Variants in CPNE4 observed in about 807,000 individuals in gnomAD.
The protein encoded by CPNE4 is copine 4, also known as copine-4.
CPNE4 carries 25 observed loss-of-function variants against 67.9 expected under a neutral mutation model. That is an observed-to-expected ratio of 0.37 (90% confidence interval 0.27 to 0.51). The LOEUF (loss-of-function observed/expected upper bound fraction) is 0.51. Among genes scored for constraint, CPNE4 ranks in the 20% least tolerant of loss-of-function variants. The probability of loss-of-function intolerance (pLI) is 0.93; values close to 1 mark genes in which losing one functional copy is unlikely to be tolerated. For synonymous variants in CPNE4, 242 were observed against 244.9 expected, an observed-to-expected ratio of 0.99 and a Z score of 0.11; for missense variants, 464 against 690.8, an observed-to-expected ratio of 0.67 and a Z score of 3.68.
chr3:131,805,859 A>G (rs1411667314), intron 2 of CPNE4, among the ~76,000 whole-genome samples: 1 of 152,236 alleles, frequency 6.6e-6, no homozygotes, highest in African/African-American at 2.4e-5. Flanking sequence ...CAGGAAAAAG[A>G]GAAATAGACT....
At chr3:131,812,293 A>C (rs2084564529) in intron 2 of CPNE4, among the ~76,000 whole-genome samples, 1 of 152,122 alleles carries the variant, frequency 6.6e-6, no homozygotes, top group Admixed American at 6.5e-5. Flanking sequence ...ACAGACATTA[A>C]GGTGAAAGCA....
intron 1 of CPNE4, among the ~76,000 whole-genome samples, chr3:131,955,878 G>A (rs2071953300): frequency 6.6e-6 from 1 of 152,054 alleles, no homozygotes; most frequent in South Asian, 2.1e-4. Flanking sequence ...ACCCCTCGAA[G>A]TGTCAACATT....
intron 12 of CPNE4, among the ~76,000 whole-genome samples, chr3:131,554,072 C>T (rs188153205): frequency 9.9e-5 from 15 of 152,086 alleles, no homozygotes; most frequent in Admixed American, 2.0e-4. Flanking sequence ...TGGTGCATAG[C>T]TCTGTCCTCA....
intron 1 of CPNE4, among the ~76,000 whole-genome samples, chr3:132,026,306 C>T (rs2074115114): frequency 6.6e-6 from 1 of 152,170 alleles, no homozygotes; most frequent in African/African-American, 2.4e-5. Flanking sequence ...CTTGGAAAAG[C>T]TTGCAACATG....
chr3:131,547,688 T>A (rs768401727), intron 14 of CPNE4, among the ~76,000 whole-genome samples: 5 of 152,052 alleles, frequency 3.3e-5, no homozygotes, highest in Non-Finnish European at 5.9e-5. Context: ...CAGTTTTATA[T>A]ATTCACTATT....
intron 2 of CPNE4, among the ~76,000 whole-genome samples, chr3:131,728,453 T>C (rs2082049804): frequency 6.6e-6 from 1 of 152,178 alleles, no homozygotes; most frequent in Admixed American, 6.5e-5. Flanking sequence ...CATTTTTTCA[T>C]AAACACTGTT....
At chr3:131,792,336 C>G (rs2083748389) in intron 2 of CPNE4, among the ~76,000 whole-genome samples, 1 of 151,860 alleles carries the variant, frequency 6.6e-6, no homozygotes, top group African/African-American at 2.4e-5. Context: ...GTGTTCTGCA[C>G]AGAGTATTTA....
chr3:131,876,958 G>C (rs1477101806), intron 2 of CPNE4, among the ~76,000 whole-genome samples: 3 of 151,576 alleles, frequency 2.0e-5, no homozygotes, highest in African/African-American at 4.8e-5. Flanking sequence ...GATTCTGCTT[G>C]CTGTTTGTAG....
intron 2 of CPNE4, among the ~76,000 whole-genome samples, chr3:131,807,801 G>A (rs911025998): frequency 1.3e-5 from 2 of 152,010 alleles, no homozygotes; most frequent in African/African-American, 4.8e-5. Context: ...AAAAGCAAAA[G>A]AAATAGTAGA....
At chr3:132,037,505 A>AGCCG, upstream of CPNE4, 1 of 1,408,312 alleles carries the variant, frequency 7.1e-7, no homozygotes. Context: ...CCCGCCAGCC[A>AGCCG]CAGTCCCCTC....
At chr3:131,766,634 T>G (rs1560269142) in intron 2 of CPNE4, among the ~76,000 whole-genome samples, 3 of 152,170 alleles carry the variant, frequency 2.0e-5, no homozygotes, top group Admixed American at 1.3e-4. Flanking sequence ...TTTGCCAAAG[T>G]AGAATGTCCA....
intron 1 of CPNE4, among the ~76,000 whole-genome samples, chr3:131,922,384 C>T (rs2070765344): frequency 2.0e-5 from 3 of 152,194 alleles, no homozygotes; most frequent in Non-Finnish European, 4.4e-5. Context: ...CAGCCTTCTT[C>T]ATGCCAGAAC....
chr3:132,037,889 G>A, upstream of CPNE4: 1 of 338,376 alleles, frequency 3.0e-6, no homozygotes, highest in East Asian at 4.9e-5. Flanking sequence ...TGATGAAGGG[G>A]AAAAACAGGC....
At chr3:131,692,842 A>G (rs994710835) in intron 5 of CPNE4, among the ~76,000 whole-genome samples, 4 of 152,152 alleles carry the variant, frequency 2.6e-5, no homozygotes, top group Admixed American at 2.0e-4. Flanking sequence ...ATTAGTTCCA[A>G]TGCACCAATA....
At chr3:131,639,338 T>A (rs1016898798) in intron 7 of CPNE4, among the ~76,000 whole-genome samples, 1 of 152,076 alleles carries the variant, frequency 6.6e-6, no homozygotes, top group African/African-American at 2.4e-5. Flanking sequence ...ATGTTACAAC[T>A]GATACCACAG....
At chr3:131,679,086 T>A (rs1056912794) in intron 6 of CPNE4, among the ~76,000 whole-genome samples, 3 of 152,198 alleles carry the variant, frequency 2.0e-5, no homozygotes, top group Admixed American at 6.5e-5. Flanking sequence ...AGGCTATTTA[T>A]TACTGCCTCT....
chr3:131,716,251 A>T (rs914597954), intron 3 of CPNE4, among the ~76,000 whole-genome samples: 3 of 151,902 alleles, frequency 2.0e-5, no homozygotes, highest in Admixed American at 2.0e-4. Context: ...TTCAGGAGGC[A>T]GACTCTGAAT....
chr3:131,708,215 A>G (rs549557048), intron 3 of CPNE4, among the ~76,000 whole-genome samples: 1 of 152,176 alleles, frequency 6.6e-6, no homozygotes, highest in East Asian at 1.9e-4. Flanking sequence ...AGCCATGAGG[A>G]AAAGCTCCTA....
At chr3:131,653,444 G>C (rs2079867090) in intron 7 of CPNE4, among the ~76,000 whole-genome samples, 1 of 152,052 alleles carries the variant, frequency 6.6e-6, no homozygotes, top group African/African-American at 2.4e-5. Flanking sequence ...CACCGCGCCT[G>C]GCCACTGATA....
Sources: allele counts gnomAD v4.1 joint callset (sites outside exome capture counted in the v4.1 genomes callset), GRCh38; gene constraint gnomAD v4.1.1; transcripts MANE v1.5; gene names NCBI Gene and HGNC (gene_info 2026-07-23, HGNC 2026-07-21).